Variants in KCNMA1 observed in about 807,000 individuals in gnomAD.
KCNMA1 encodes potassium calcium-activated channel subfamily M alpha 1.
A neutral mutation model predicts 140.0 loss-of-function variants in KCNMA1; 29 were observed. That is an observed-to-expected ratio of 0.21 (90% confidence interval 0.15 to 0.28). The LOEUF is 0.28. Ranked by LOEUF, KCNMA1 falls within the 10% of genes least tolerant of loss-of-function variation. The pLI is 1.00. For synonymous variants in KCNMA1, 612 were observed against 611.9 expected (o/e 1.00, Z 0.00); for missense variants, 880 against 1,602.2 (o/e 0.55, Z 7.70).
chr10:77,483,101 C>T (rs1271552887), intron 1 of KCNMA1, among the ~76,000 whole-genome samples: 1 of 151,836 alleles, frequency 6.6e-6, no homozygotes, highest in Non-Finnish European at 1.5e-5. Context: ...TTCACTGGTA[C>T]CCAGTCAACA....
rs772878572 is a variant in KCNMA1 at position 77,082,002 on chromosome 10, C to CTTTTTTTTTTTTTTT, written c.1524-2453_1524-2452insAAAAAAAAAAAAAAA. ...CCTTTGACCAGTAATTTCTTTTTTT[C>CTTTTTTTTTTTTTTT]TTTTCTTTTTTTTTTTTTTTTTTTT... On this transcript the variant is annotated intron_variant, in intron 12 of 27. Coordinates refer to ENST00000286628, the MANE Select transcript of KCNMA1 (RefSeq NM_001161352.2). 2.4e-3 allele frequency among the ~76,000 whole-genome samples: 126 copies of CTTTTTTTTTTTTTTT among 51,672 alleles called. 27 individuals are homozygous for CTTTTTTTTTTTTTTT. Among genetic ancestry groups the CTTTTTTTTTTTTTTT allele is most frequent in the Non-Finnish European group, 3.5e-3 (77 of 21,708 alleles). The allele number at this position is 51,672 out of a possible 152,430, so 33.9% of individuals were successfully genotyped here.
intron 15 of KCNMA1, among the ~76,000 whole-genome samples, chr10:77,030,225 T>C (rs1565648153): frequency 6.6e-6 from 1 of 152,202 alleles, no homozygotes; most frequent in Non-Finnish European, 1.5e-5. Context: ...GACCTGGGCT[T>C]TGTGCTGATT....
chr10:77,152,120 CTT>C lies in KCNMA1; in HGVS notation c.809-31074_809-31073del, dbSNP rs113803040. ...TTTAGGACAGAGGGTCCAAGACTGT[CTT>C]TTTCATCTTGTCATCTCAGCATTTA... On this transcript the variant is annotated intron_variant, in intron 5 of 27. Transcript: ENST00000286628. Among the ~76,000 whole-genome samples the C allele has an allele frequency of 9.3e-3, 1,412 of 152,260 alleles. 24 individuals are homozygous for C. The highest frequency in any genetic ancestry group is 0.032 in the African/African-American group (1,339 of 41,522).
intron 5 of KCNMA1, among the ~76,000 whole-genome samples, chr10:77,134,997 CAA>C (rs71028253): frequency 0.023 from 272 of 11,624 alleles, no homozygotes; most frequent in Non-Finnish European, 0.039. Context: ...GACTCTGTCT[CAA>C]AAAAAAAAAA....
Position 77,616,635 on chromosome 10 carries a change from G to A in KCNMA1, c.378+20630C>T, listed in dbSNP as rs544629005. 3.9e-5 allele frequency among the ~76,000 whole-genome samples: 6 copies of A among 152,052 alleles called. No homozygotes were observed. In the East Asian group the frequency reaches 7.8e-4, roughly 20 times the overall value. On this transcript the variant is annotated intron_variant, in intron 1 of 27. Transcript: ENST00000286628. ...AGCCTGGCCAACATGGTGAAACCCC[G>A]TCTCTACTAAAAATACAGAAATTAG...
At chr10:77,167,717 G>A (rs191881338) in intron 5 of KCNMA1, among the ~76,000 whole-genome samples, 11 of 151,414 alleles carry the variant, frequency 7.3e-5, no homozygotes, top group Non-Finnish European at 1.2e-4. Flanking sequence ...TGAGACAGGG[G>A]CTGACTCTGT....
At chr10:77,431,513 C>A (rs1425232162) in intron 1 of KCNMA1, among the ~76,000 whole-genome samples, 2 of 151,934 alleles carry the variant, frequency 1.3e-5, no homozygotes, top group Non-Finnish European at 2.9e-5. Context: ...AGAGGGCAGA[C>A]CTGGGGCCCC....
chr10:77,233,923 C>A (rs1160448200), intron 3 of KCNMA1, among the ~76,000 whole-genome samples: 3 of 152,198 alleles, frequency 2.0e-5, no homozygotes, highest in South Asian at 2.1e-4. Flanking sequence ...AGTGGCACCC[C>A]GAACAGTGAC....
At chr10:77,097,390 C>A (rs909458178) in intron 9 of KCNMA1, among the ~76,000 whole-genome samples, 1 of 152,090 alleles carries the variant, frequency 6.6e-6, no homozygotes, top group Non-Finnish European at 1.5e-5. Flanking sequence ...CATCCCTCCA[C>A]CCTACCCCAG....
intron 1 of KCNMA1, among the ~76,000 whole-genome samples, chr10:77,562,341 A>G (rs900978761): frequency 6.6e-6 from 1 of 152,228 alleles, no homozygotes; most frequent in African/African-American, 2.4e-5. Context: ...CACCCATTGA[A>G]GGCGGCTTCT....
rs546230277 is a variant in KCNMA1 at position 77,388,274 on chromosome 10, C to T, written c.540+15588G>A. 4.6e-5 allele frequency among the ~76,000 whole-genome samples: 7 copies of T among 152,302 alleles called. No individual in the cohort carries two copies. The South Asian group carries it at 1.2e-3, about 27-fold the overall frequency. On this transcript the variant is annotated intron_variant, in intron 2 of 27. Transcript: ENST00000286628. ...CCACATCTGAAGCTCTGAAAGTGAC[C>T]TTGTGCACTTTTCTTGAGCCTCTTT...
rs2065361594 is a variant in KCNMA1 at position 76,949,363 on chromosome 10, G to A, written c.2488C>T (p.Arg830Ter). The A allele has an allele frequency of 1.2e-6, 2 of 1,613,114 alleles. No individual in the cohort carries two copies. The highest frequency in any genetic ancestry group is 1.7e-6 in the Non-Finnish European group (2 of 1,179,394). The change falls in exon 22 of 28, where the codon CGA becomes TGA. Residue 830 changes from arginine (R) to a stop codon, truncating the protein, a stop_gained. Coordinates refer to ENST00000286628, the MANE Select transcript of KCNMA1 (RefSeq NM_001161352.2). LOFTEE classifies it high-confidence loss of function. ...AGGACGGTCATGGCAGCTTCACTTC[G>A]AGTCTACAACAGGGAGAAGTGGGTA... ...PKEIEKVILT[R>*]SEAAMTVLSG...
Position 76,941,051 on chromosome 10 carries a change from AAG to A in KCNMA1, c.2902+3720_2902+3721del, listed in dbSNP as rs368394305. 9.8e-3 allele frequency among the ~76,000 whole-genome samples: 611 copies of A among 62,660 alleles called. 9 individuals are homozygous for A. Among genetic ancestry groups the A allele is most frequent in the African/African-American group, 0.023 (365 of 16,062 alleles). 41.1% of individuals were successfully genotyped at this position (62,660 alleles called of 152,430 possible). Reference sequence around the variant, plus strand: ...AAAGAAAGAAAGAAAGAAAGAAAGAAAGAGAAAGAAAGAAAGAAAAAGAAAGA... The same window carrying A: ...AAAGAAAGAAAGAAAGAAAGAAAGAAAGAAAGAAAGAAAGAAAAAGAAAGA... On this transcript the variant is annotated intron_variant, in intron 23 of 27. Coordinates refer to ENST00000286628, the MANE Select transcript of KCNMA1 (RefSeq NM_001161352.2).
rs572160722 is a variant in KCNMA1 at position 77,567,763 on chromosome 10, T to C, written c.378+69502A>G. On this transcript the variant is annotated intron_variant, in intron 1 of 27. Transcript: ENST00000286628. The stretch of plus-strand genomic sequence containing the variant: ...ACCCTTTCCAATGCATTATGACACA[T>C]TTAATCTGTAAAACTGTAAATTATT... Among the ~76,000 whole-genome samples, 14 of 152,144 alleles carry C rather than the reference T, an allele frequency of 9.2e-5. No individual in the cohort carries two copies. The South Asian group carries it at 2.7e-3, about 29-fold the overall frequency.
At chr10:77,382,994 G>GTGTGTGTATATATATA (rs1491457588) in intron 2 of KCNMA1, among the ~76,000 whole-genome samples, 4 of 46,424 alleles carry the variant, frequency 8.6e-5, no homozygotes, top group African/African-American at 3.8e-4. Context: ...GTGTGTGTGT[G>GTGTGTGTATATATATA]TATATATATA....
At chr10:77,182,925 G>T (rs913060654) in intron 5 of KCNMA1, among the ~76,000 whole-genome samples, 4 of 152,094 alleles carry the variant, frequency 2.6e-5, no homozygotes, top group Non-Finnish European at 5.9e-5. Flanking sequence ...TCTCCTGTAA[G>T]GTGAGAGATG....
intron 1 of KCNMA1, among the ~76,000 whole-genome samples, chr10:77,556,502 C>CAAAAAAAAAAA (rs11446237): frequency 2.9e-5 from 2 of 68,902 alleles, no homozygotes; most frequent in Admixed American, 2.1e-4. Flanking sequence ...GGGACTATCT[C>CAAAAAAAAAAA]AAAAAAAAAA....
intron 14 of KCNMA1, among the ~76,000 whole-genome samples, chr10:77,067,889 G>A (rs563387531): frequency 3.9e-5 from 6 of 152,286 alleles, no homozygotes; most frequent in Admixed American, 2.0e-4. Context: ...TGGGATTAGC[G>A]CACTGTCTGG....
At chr10:76,873,989 C>T (rs1452697854), downstream of KCNMA1, 1 of 151,934 alleles carries the variant, frequency 6.6e-6, no homozygotes, top group African/African-American at 2.4e-5. Flanking sequence ...GTCTCTTGAA[C>T]CTCTAGTTAC....
Sources: gnomAD v4.1 joint callset for allele counts (sites outside exome capture counted in the v4.1 genomes callset) on GRCh38, gnomAD v4.1.1 for gene constraint, MANE v1.5 for transcripts, NCBI Gene and HGNC (gene_info 2026-07-23, HGNC 2026-07-21) for gene names.